Variants in TMEM132C observed in about 807,000 individuals in gnomAD.
TMEM132C encodes protein phosphatase 1, regulatory subunit 152.
In TMEM132C, 29 loss-of-function variants were observed where a neutral mutation model predicts 61.4. That is an observed-to-expected ratio of 0.47 (90% CI 0.35 to 0.64). TMEM132C has a LOEUF of 0.64. TMEM132C is among the 30% of genes least tolerant of loss of function. TMEM132C has a pLI of 0.00. For missense variants in TMEM132C, 1,408 were observed against 1,476.9 expected (o/e 0.95, Z 0.76); for synonymous variants, 656 against 633.1 (o/e 1.04, Z -0.54).
chr12:128,480,414 C>T (rs1474277300), intron 2 of TMEM132C, among the ~76,000 whole-genome samples: 1 of 152,082 alleles, frequency 6.6e-6, no homozygotes, highest in Non-Finnish European at 1.5e-5. Flanking sequence ...AGTAAGCTTG[C>T]GCCCAAAGTC....
intron 6 of TMEM132C, among the ~76,000 whole-genome samples, chr12:128,694,799 C>A (rs1201313191): frequency 3.3e-5 from 5 of 152,136 alleles, no homozygotes; most frequent in Non-Finnish European, 7.4e-5. Flanking sequence ...GTGAATCTAC[C>A]CAGTCCTTCA....
chr12:128,486,772 T>G (rs1871506213), intron 2 of TMEM132C, among the ~76,000 whole-genome samples: 1 of 152,090 alleles, frequency 6.6e-6, no homozygotes, highest in South Asian at 2.1e-4. Flanking sequence ...TCATTGCCAA[T>G]GTCACCTGAA....
At chr12:128,490,259 G>C (rs981443860) in intron 2 of TMEM132C, among the ~76,000 whole-genome samples, 3 of 152,196 alleles carry the variant, frequency 2.0e-5, no homozygotes, top group African/African-American at 7.2e-5. Context: ...TCATGGATGT[G>C]GTTCATCTAG....
At chr12:128,451,952 A>G (rs1279801324) in intron 2 of TMEM132C, among the ~76,000 whole-genome samples, 4 of 152,192 alleles carry the variant, frequency 2.6e-5, no homozygotes, top group Non-Finnish European at 5.9e-5. Flanking sequence ...ATACAGTGAT[A>G]AGTTGAAAGA....
At chr12:128,614,795 G>A (rs1034120071) in intron 3 of TMEM132C, among the ~76,000 whole-genome samples, 1 of 152,166 alleles carries the variant, frequency 6.6e-6, no homozygotes, top group Non-Finnish European at 1.5e-5. Flanking sequence ...AGGATACTAG[G>A]CAATTCACAT....
At chr12:128,440,956 G>A (rs912780287) in intron 2 of TMEM132C, among the ~76,000 whole-genome samples, 4 of 152,100 alleles carry the variant, frequency 2.6e-5, no homozygotes, top group East Asian at 1.9e-4. Flanking sequence ...CAGGACAATC[G>A]CTTGAATCTG....
At chr12:128,307,863 G>GC in intron 1 of TMEM132C, among the ~76,000 whole-genome samples, 1 of 152,216 alleles carries the variant, frequency 6.6e-6, no homozygotes, top group East Asian at 1.9e-4. Context: ...AGAAGTCATT[G>GC]CCCTCCTTGC....
At chr12:128,537,222 C>G (rs952462266) in intron 2 of TMEM132C, among the ~76,000 whole-genome samples, 4 of 152,218 alleles carry the variant, frequency 2.6e-5, no homozygotes, top group Non-Finnish European at 4.4e-5. Context: ...ATGGCCAGAA[C>G]CACTGCAAGG....
At chr12:128,511,240 T>C (rs1271363936) in intron 2 of TMEM132C, among the ~76,000 whole-genome samples, 4 of 152,192 alleles carry the variant, frequency 2.6e-5, no homozygotes, top group Admixed American at 6.5e-5. Flanking sequence ...ATGCAGCTGC[T>C]GTCATTCGGC....
chr12:128,331,480 AT>A (rs112088846), intron 1 of TMEM132C, among the ~76,000 whole-genome samples: 8,865 of 152,058 alleles, frequency 0.058, 400 homozygotes, highest in African/African-American at 0.13. Flanking sequence ...ACATGTACAC[AT>A]TTTTTTGGCA....
rs577260759 is a variant in TMEM132C, at chr12:128,548,298, G to GC, written c.1121+4195_1121+4196insC. Reference sequence around the variant, plus strand: ...TCTCTTCCAATTCTTTAACTCATATGAACTGGTCGTCCCTGAATTGAACTT... The same window carrying GC: ...TCTCTTCCAATTCTTTAACTCATATGCAACTGGTCGTCCCTGAATTGAACTT... On this transcript the variant is annotated intron_variant, in intron 3 of 8. Coordinates refer to ENST00000435159, the MANE Select transcript of TMEM132C (RefSeq NM_001136103.3). Among the ~76,000 whole-genome samples, 482 of 152,302 alleles carry GC rather than the reference G, an allele frequency of 3.2e-3. 3 individuals carry two copies. Among genetic ancestry groups the GC allele is most frequent in the African/African-American group, 0.011 (462 of 41,560 alleles).
At chr12:128,492,766 G>A (rs1468371715) in intron 2 of TMEM132C, among the ~76,000 whole-genome samples, 2 of 152,134 alleles carry the variant, frequency 1.3e-5, no homozygotes, top group South Asian at 2.1e-4. Context: ...TTGTCAGAGG[G>A]GTAGATTGCA....
chr12:128,425,309 C>T (rs1174360064), intron 2 of TMEM132C, among the ~76,000 whole-genome samples: 4 of 152,238 alleles, frequency 2.6e-5, no homozygotes, highest in East Asian at 3.9e-4. Context: ...TGGGAGGGGC[C>T]GTAGTGAATG....
At chr12:128,703,582 G>A (rs1161740959) in intron 8 of TMEM132C, among the ~76,000 whole-genome samples, 5 of 152,156 alleles carry the variant, frequency 3.3e-5, no homozygotes, top group Non-Finnish European at 7.3e-5. Context: ...ATGAATGGAG[G>A]AGGCTGAAAT....
At chr12:128,357,861 C>T (rs1565911462) in intron 1 of TMEM132C, among the ~76,000 whole-genome samples, 1 of 151,860 alleles carries the variant, frequency 6.6e-6, no homozygotes, top group Non-Finnish European at 1.5e-5. Flanking sequence ...CCCCTCCGTC[C>T]ACAGCACATC....
intron 4 of TMEM132C, among the ~76,000 whole-genome samples, chr12:128,669,183 A>T (rs1954505843): frequency 6.6e-6 from 1 of 152,206 alleles, no homozygotes; most frequent in Non-Finnish European, 1.5e-5. Flanking sequence ...GTTGTTGAAA[A>T]CTAGAAATAT....
intron 1 of TMEM132C, among the ~76,000 whole-genome samples, chr12:128,343,689 G>C (rs1683733): frequency 0.96 from 146,422 of 152,258 alleles, 70,416 homozygotes; most frequent in East Asian, 1. Flanking sequence ...ACAATCAACG[G>C]TATCATTTAA....
At chr12:128,562,963 C>T (rs1009935731) in intron 3 of TMEM132C, among the ~76,000 whole-genome samples, 1 of 152,228 alleles carries the variant, frequency 6.6e-6, no homozygotes, top group Non-Finnish European at 1.5e-5. Context: ...TAGCTCATCA[C>T]CACCATGAAC....
chr12:128,693,772 A>T, intron 5 of TMEM132C, 57 bp from the exon 6 acceptor site: 1 of 1,531,794 alleles, frequency 6.5e-7, no homozygotes, highest in Non-Finnish European at 8.8e-7. Flanking sequence ...CAAAAAAAGG[A>T]TTGTCTCCAA....
Sources: allele counts gnomAD v4.1 joint callset (sites outside exome capture counted in the v4.1 genomes callset), GRCh38; gene constraint gnomAD v4.1.1; transcripts MANE v1.5; gene names NCBI Gene and HGNC (gene_info 2026-07-23, HGNC 2026-07-21).